TBC1D30: variants seen among roughly 807,000 people sequenced by gnomAD.
TBC1D30 encodes the protein TBC1 domain family member 30.
In TBC1D30, 31 loss-of-function variants were observed where a neutral mutation model predicts 63.2. The observed-to-expected ratio is 0.49, with a 90% CI of 0.37 to 0.66. TBC1D30 has a LOEUF of 0.66. Ranked by LOEUF, TBC1D30 falls within the 30% of genes least tolerant of loss-of-function variation. TBC1D30 has a pLI of 0.00. For missense variants in TBC1D30, 810 were observed against 953.6 expected (o/e 0.85, Z 1.98); for synonymous variants, 307 against 361.5 (o/e 0.85, Z 1.71).
chr12:64,806,393 C>T (rs1008329289), intron 2 of TBC1D30, among the ~76,000 whole-genome samples: 9 of 152,052 alleles, frequency 5.9e-5, no homozygotes, highest in Middle Eastern at 3.2e-3. Flanking sequence ...TGAGATCCTT[C>T]GGGGATCATC....
At chr12:64,860,817 C>T (rs79460300) in intron 8 of TBC1D30, among the ~76,000 whole-genome samples, 2,050 of 152,302 alleles carry the variant, frequency 0.013, 20 homozygotes, top group Non-Finnish European at 0.022. Flanking sequence ...TGTCTAGTGG[C>T]AGACCCAAGA....
chr12:64,873,554 T>A (rs1218000522), intron 11 of TBC1D30, among the ~76,000 whole-genome samples: 4 of 151,826 alleles, frequency 2.6e-5, no homozygotes, highest in Admixed American at 1.3e-4. Flanking sequence ...CGAAGACACA[T>A]GAGGGGTTGT....
chr12:64,853,409 ATCTTAGTT>A (rs1317656455), intron 8 of TBC1D30, among the ~76,000 whole-genome samples: 1 of 152,078 alleles, frequency 6.6e-6, no homozygotes, highest in African/African-American at 2.4e-5. Context: ...AAGCCAGTGG[ATCTTAGTT>A]TGCTGGGCTC....
chr12:64,877,445 T>C lies in TBC1D30; in HGVS notation c.*1657T>C, dbSNP rs984437139. 3 of 152,704 alleles carry C rather than the reference T, an allele frequency of 2.0e-5. No individual in the cohort carries two copies. Among genetic ancestry groups the C allele is most frequent in the African/African-American group, 7.2e-5 (3 of 41,466 alleles). The allele number at this position is 152,704 out of a possible 1,614,324, so 9.5% of individuals were successfully genotyped here. ...AGAATGTGGTTGTGTGGGCTTTTTT[T>C]GAACAGAAAACACAACAATGACCTA... On this transcript the variant is annotated 3_prime_UTR_variant, in exon 12 of 12. Coordinates refer to ENST00000539867, the MANE Select transcript of TBC1D30 (RefSeq NM_015279.2).
intron 1 of TBC1D30, among the ~76,000 whole-genome samples, chr12:64,770,499 G>A (rs1216113453): frequency 6.6e-6 from 1 of 152,152 alleles, no homozygotes. Context: ...CTGCTTCTCA[G>A]CTATTGCTGC....
At chr12:64,812,106 G>T (rs182988885) in intron 2 of TBC1D30, among the ~76,000 whole-genome samples, 28 of 152,184 alleles carry the variant, frequency 1.8e-4, no homozygotes, top group Non-Finnish European at 3.4e-4. Context: ...AATTAGAAAA[G>T]TGCAAGGAAA....
chr12:64,813,471 CTG>C (rs1873341399), intron 2 of TBC1D30, among the ~76,000 whole-genome samples: 2 of 152,184 alleles, frequency 1.3e-5, no homozygotes, highest in Non-Finnish European at 2.9e-5. Flanking sequence ...GATGAGGAAA[CTG>C]AGACAATGAA....
chr12:64,796,399 C>G (rs893529974), intron 2 of TBC1D30, among the ~76,000 whole-genome samples: 3 of 152,008 alleles, frequency 2.0e-5, no homozygotes, highest in Admixed American at 6.6e-5. Flanking sequence ...TCAGTTATGG[C>G]AAGAGAAAAC....
intron 1 of TBC1D30, among the ~76,000 whole-genome samples, chr12:64,827,064 A>T (rs1874420489): frequency 6.6e-6 from 1 of 152,228 alleles, no homozygotes; most frequent in African/African-American, 2.4e-5. Flanking sequence ...AGAAACAAAA[A>T]TGCCATCATT....
At chr12:64,787,004 A>T (rs1871632201) in intron 2 of TBC1D30, among the ~76,000 whole-genome samples, 1 of 152,194 alleles carries the variant, frequency 6.6e-6, no homozygotes, top group South Asian at 2.1e-4. Flanking sequence ...ACACAGACAT[A>T]ACCTAAAAGG....
chr12:64,873,312 T>G (rs1369543598), intron 11 of TBC1D30, among the ~76,000 whole-genome samples: 2 of 152,244 alleles, frequency 1.3e-5, no homozygotes, highest in Non-Finnish European at 1.5e-5. Flanking sequence ...GAAGATTTAG[T>G]TAGGTCACTG....
rs151134101 is a variant in TBC1D30 at position 64,849,433 on chromosome 12, A to G, written c.1038+5948A>G. On this transcript the variant is annotated intron_variant, in intron 8 of 11. Transcript: ENST00000539867. Reference sequence around the variant, plus strand: ...GGTCTTACGTTTAAGTCTTTAATCCATCTTGAGTTAATTTTTGTAGAAGGT... The same window carrying G: ...GGTCTTACGTTTAAGTCTTTAATCCGTCTTGAGTTAATTTTTGTAGAAGGT... 2.2e-3 allele frequency among the ~76,000 whole-genome samples: 337 copies of G among 152,266 alleles called. 1 individual carries two copies. The highest frequency in any genetic ancestry group is 3.7e-3 in the Non-Finnish European group (249 of 68,018).
At chr12:64,866,547 C>G (rs1878231652) in intron 9 of TBC1D30, among the ~76,000 whole-genome samples, 2 of 152,068 alleles carry the variant, frequency 1.3e-5, no homozygotes, top group African/African-American at 4.8e-5. Flanking sequence ...AAGCGATTCT[C>G]TAGCCTCAGC....
chr12:64,809,930 G>T (rs760727773), intron 2 of TBC1D30, among the ~76,000 whole-genome samples: 6 of 152,010 alleles, frequency 3.9e-5, no homozygotes, highest in Admixed American at 6.6e-5. Flanking sequence ...GGTAGAATGT[G>T]TTCCCTTCCC....
chr12:64,830,004 A>T (rs1267776522), intron 3 of TBC1D30, among the ~76,000 whole-genome samples: 2 of 152,236 alleles, frequency 1.3e-5, no homozygotes, highest in African/African-American at 2.4e-5. Context: ...GCTCTTGCCT[A>T]AGTATGGAGA....
At chr12:64,869,562 T>C (rs948255474) in intron 10 of TBC1D30, among the ~76,000 whole-genome samples, 1 of 152,192 alleles carries the variant, frequency 6.6e-6, no homozygotes. Context: ...ATAGGATCAA[T>C]ATGTATTTTA....
chr12:64,797,551 G>A (rs1872353040), intron 2 of TBC1D30, among the ~76,000 whole-genome samples: 1 of 152,024 alleles, frequency 6.6e-6, no homozygotes, highest in African/African-American at 2.4e-5. Flanking sequence ...CATATCATGG[G>A]GACGACTCTC....
At chr12:64,851,055 C>A (rs1876828892) in intron 8 of TBC1D30, among the ~76,000 whole-genome samples, 1 of 152,030 alleles carries the variant, frequency 6.6e-6, no homozygotes, top group African/African-American at 2.4e-5. Flanking sequence ...AGTTTATTTG[C>A]CTAGGGGTGT....
chr12:64,861,628 T>A (rs1242368183), intron 8 of TBC1D30, among the ~76,000 whole-genome samples: 3 of 138,844 alleles, frequency 2.2e-5, no homozygotes, highest in African/African-American at 1.0e-4. Context: ...TTTGTTTGAT[T>A]TTTTTTTAAT....
Sources: gnomAD v4.1 joint callset for allele counts (sites outside exome capture counted in the v4.1 genomes callset) on GRCh38, gnomAD v4.1.1 for gene constraint, MANE v1.5 for transcripts, NCBI Gene and HGNC (gene_info 2026-07-23, HGNC 2026-07-21) for gene names.